The following SLC10A2 variants were observed in gnomAD, a reference collection of about 807,000 sequenced individuals.
SLC10A2 encodes ileal sodium/bile acid cotransporter.
SLC10A2 carries 34 observed loss-of-function variants against 27.1 expected under a neutral mutation model. That is an observed-to-expected ratio of 1.26 (90% CI 0.96 to 1.67). The LOEUF is 1.67. SLC10A2 is among the 40% of genes most tolerant of loss of function. The pLI, the probability that SLC10A2 is intolerant of heterozygous loss-of-function variation, is 0.00. For synonymous variants in SLC10A2, 205 were observed against 174.0 expected, an observed-to-expected ratio of 1.18 and a Z score of -1.40; for missense variants, 530 against 444.4, an observed-to-expected ratio of 1.19 and a Z score of -1.73.
intron 2 of SLC10A2, among the ~76,000 whole-genome samples, chr13:103,054,606 T>C (rs1875888280): frequency 6.6e-6 from 1 of 151,938 alleles, no homozygotes; most frequent in Non-Finnish European, 1.5e-5. Context: ...CTGCTAAGAG[T>C]ATTCATCTTT....
intron 5 of SLC10A2, among the ~76,000 whole-genome samples, chr13:103,049,037 G>C (rs1428474505): frequency 6.6e-6 from 1 of 152,148 alleles, no homozygotes; most frequent in Non-Finnish European, 1.5e-5. Context: ...TATTACTGAG[G>C]AAAAGAAAGT....
chr13:103,049,177 A>G, intron 5 of SLC10A2, 112 bp downstream of exon 5: 2 of 1,155,130 alleles, frequency 1.7e-6, no homozygotes, highest in South Asian at 2.5e-5. Context: ...TTTTCCTCTC[A>G]TATATTTGTA....
Position 103,051,370 on chromosome 13 carries a change from G to C in SLC10A2, c.648C>G (p.Tyr216Ter), listed in dbSNP as rs199966940. The C allele has an allele frequency of 6.2e-7, 1 of 1,613,954 alleles. No homozygotes were observed. Among genetic ancestry groups the C allele is most frequent in the Non-Finnish European group, 8.5e-7 (1 of 1,179,954 alleles). The change falls in exon 4 of 6, where the codon TAC becomes TAG. Residue 216 changes from tyrosine to a stop codon, truncating the protein, a stop_gained. Coordinates refer to ENST00000245312, the MANE Select transcript of SLC10A2 (RefSeq NM_000452.3). LOFTEE classifies it high-confidence loss of function. ...VLIAVVGGIL[Y>*]QSAWIIAPKL... ...TGGGAGCAATGATCCAGGCGCTTTG[G>C]TACAATATTCCTCCAACCACAGCTA...
chr13:103,065,168 T>A (rs1876236150), intron 1 of SLC10A2, among the ~76,000 whole-genome samples: 1 of 152,316 alleles, frequency 6.6e-6, no homozygotes, highest in African/African-American at 2.4e-5. Flanking sequence ...TTATTTCTAT[T>A]AGTTTTTTTT....
intron 1 of SLC10A2, among the ~76,000 whole-genome samples, chr13:103,065,621 G>T (rs1164295721): frequency 6.6e-6 from 1 of 152,046 alleles, no homozygotes; most frequent in African/African-American, 2.4e-5. Context: ...TTTTCCTAGA[G>T]ATCAACAGCA....
chr13:103,053,424 A>G (rs559578845), intron 2 of SLC10A2, among the ~76,000 whole-genome samples: 2 of 152,290 alleles, frequency 1.3e-5, no homozygotes, highest in South Asian at 2.1e-4. Flanking sequence ...CAGATAAAAG[A>G]GTCATACTTC....
intron 1 of SLC10A2, among the ~76,000 whole-genome samples, chr13:103,062,512 C>T (rs1236997095): frequency 6.6e-6 from 1 of 152,082 alleles, no homozygotes; most frequent in African/African-American, 2.4e-5. Context: ...AAAATCAGTG[C>T]TACTGGAGAG....
At chr13:103,065,348 A>C (rs1876240382) in intron 1 of SLC10A2, among the ~76,000 whole-genome samples, 1 of 152,218 alleles carries the variant, frequency 6.6e-6, no homozygotes, top group African/African-American at 2.4e-5. Flanking sequence ...GTAGAGGTGA[A>C]GCAAATTTAC....
In SLC10A2 at chr13:103,066,362, A is replaced by C. The variant is rs199668930; in HGVS notation, c.-113T>G. On this transcript the variant is annotated 5_prime_UTR_variant, in exon 1 of 6. Transcript: ENST00000245312. ...TACTTCTACCCCATCAAACTTTTAA[A>C]CCCCTCCTAAAAATATGTCACTTGG... 19 of 1,191,410 alleles carry C rather than the reference A, an allele frequency of 1.6e-5. No homozygotes were observed. Among genetic ancestry groups the C allele is most frequent in the Non-Finnish European group, 2.1e-5 (18 of 877,280 alleles). 73.8% of individuals were successfully genotyped at this position (1,191,410 alleles called of 1,614,324 possible). A position where few individuals can be genotyped will look rare whatever the true frequency, so the allele number is the denominator to read the frequency against.
At position 103,044,996 on chromosome 13, in the gene SLC10A2, G is replaced by T. The variant is rs1875564712; in HGVS notation, c.*1137C>A. ...GGCTGGTGGGGCCCTTCTGACTTTT[G>T]GGCCCTGGGACACGTTCTCTGTTTC... On this transcript the variant is annotated 3_prime_UTR_variant, in exon 6 of 6. Coordinates refer to ENST00000245312, the MANE Select transcript of SLC10A2 (RefSeq NM_000452.3). 1 of 152,016 alleles carries T rather than the reference G, an allele frequency of 6.6e-6. No individual in the cohort carries two copies. The highest frequency in any genetic ancestry group is 2.4e-5 in the African/African-American group (1 of 41,372). The allele number at this position is 152,016 out of a possible 1,614,324, so 9.4% of individuals were successfully genotyped here.
At chr13:103,054,137 TG>T (rs1182155911) in intron 2 of SLC10A2, among the ~76,000 whole-genome samples, 21 of 151,996 alleles carry the variant, frequency 1.4e-4, no homozygotes, top group Non-Finnish European at 5.9e-5. Context: ...ACTTCCCCCT[TG>T]TTGTTCTTGT....
chr13:103,058,358 T>C lies in SLC10A2; in HGVS notation c.402A>G (p.Thr134=), dbSNP rs772521351. The change falls in exon 2 of 6, where the codon ACA becomes ACG. Residue 134 remains threonine, a synonymous_variant. Coordinates refer to ENST00000245312, the MANE Select transcript of SLC10A2 (RefSeq NM_000452.3). ...GCGGCATCATTCCGAGGGCAAGCAG[T>C]GTGGAGCATGTGGTCATGCTGACGC... ...DLSVSMTTCS[T]LLALGMMPLC... 3.7e-6 allele frequency: 6 copies of C among 1,613,326 alleles called. No homozygotes were observed. Among genetic ancestry groups the C allele is most frequent in the Non-Finnish European group, 5.1e-6 (6 of 1,179,322 alleles).
intron 2 of SLC10A2, among the ~76,000 whole-genome samples, chr13:103,056,655 A>G (rs1004894138): frequency 4.6e-5 from 7 of 152,076 alleles, no homozygotes; most frequent in African/African-American, 1.7e-4. Flanking sequence ...TTTTAGCTCT[A>G]TGGAAGGCGT....
chr13:103,044,223 G>T lies in SLC10A2; in HGVS notation c.*1910C>A, dbSNP rs1348754606. 1 of 152,164 alleles carries T rather than the reference G, an allele frequency of 6.6e-6. No homozygotes were observed. The highest frequency in any genetic ancestry group is 2.4e-5 in the African/African-American group (1 of 41,448). 9.4% of individuals were successfully genotyped at this position (152,164 alleles called of 1,614,324 possible). A position where few individuals can be genotyped will look rare whatever the true frequency, so the allele number is the denominator to read the frequency against. The stretch of plus-strand genomic sequence containing the variant: ...ATGTAAGAAAGCCAAGTCCTATCTT[G>T]CTCACCTGTCTTGCTCAACAGGGAG... On this transcript the variant is annotated 3_prime_UTR_variant, in exon 6 of 6. Coordinates refer to ENST00000245312, the MANE Select transcript of SLC10A2 (RefSeq NM_000452.3).
Position 103,066,262 on chromosome 13 carries a change from T to G in SLC10A2, c.-13A>C, listed in dbSNP as rs555186644. 6.3e-7 allele frequency: 1 copy of G among 1,591,588 alleles called. No individual in the cohort carries two copies. The highest frequency in any genetic ancestry group is 2.2e-5 in the East Asian group (1 of 44,530). On this transcript the variant is annotated 5_prime_UTR_variant, in exon 1 of 6. Transcript: ENST00000245312. ...TCGGATCATTCATTGCTGGGTCTGC[T>G]GCTGGAAAGGCCAAGTCCACAGAAG...
At chr13:103,065,291 A>G (rs1406583846) in intron 1 of SLC10A2, among the ~76,000 whole-genome samples, 4 of 152,164 alleles carry the variant, frequency 2.6e-5, no homozygotes, top group Non-Finnish European at 4.4e-5. Context: ...AGGTAAGCAT[A>G]ATTTTAAAAA....
At chr13:103,052,021 A>G (rs970538260) in intron 3 of SLC10A2, among the ~76,000 whole-genome samples, 2 of 152,232 alleles carry the variant, frequency 1.3e-5, no homozygotes, top group African/African-American at 4.8e-5. Flanking sequence ...AAGGAATACA[A>G]TGGACTTACT....
chr13:103,052,863 C>A (rs1221031140), intron 2 of SLC10A2, among the ~76,000 whole-genome samples, 155 bp from the exon 3 acceptor site: 1 of 151,952 alleles, frequency 6.6e-6, no homozygotes, highest in African/African-American at 2.4e-5. Flanking sequence ...CACACACATG[C>A]ACACACACAC....
At chr13:103,052,784 C>T in intron 2 of SLC10A2, 76 bp from the exon 3 acceptor site, 1 of 906,232 alleles carries the variant, frequency 1.1e-6, no homozygotes, top group Non-Finnish European at 1.9e-6. Flanking sequence ...AACAAGCAGC[C>T]TGAAGAAAGA....
Sources: gnomAD v4.1 joint callset for allele counts (sites outside exome capture counted in the v4.1 genomes callset) on GRCh38, gnomAD v4.1.1 for gene constraint, MANE v1.5 for transcripts, NCBI Gene and HGNC (gene_info 2026-07-23, HGNC 2026-07-21) for gene names.